ZNF169: variants seen among roughly 807,000 people sequenced by gnomAD.
ZNF169 encodes zinc finger protein 169.
A neutral mutation model predicts 12.0 loss-of-function variants in ZNF169; 11 were observed. The ratio of observed to expected loss-of-function variants is 0.92; its 90% CI spans 0.58 to 1.52. The LOEUF is 1.52. Ranked by LOEUF, ZNF169 falls within the 40% of genes most tolerant of loss-of-function variation. The probability of loss-of-function intolerance (pLI) is 0.00; values close to 1 mark genes in which losing one functional copy is unlikely to be tolerated. For synonymous variants in ZNF169, 302 were observed against 286.5 expected (o/e 1.05, Z -0.55); for missense variants, 722 against 744.0 (o/e 0.97, Z 0.34).
chr9:94,296,895 A>G (rs1388186260), intron 4 of ZNF169: 1 of 446,634 alleles, frequency 2.2e-6, no homozygotes, highest in Non-Finnish European at 4.5e-6. Flanking sequence ...AATACAAAAA[A>G]AACTAGCCGA....
At chr9:94,293,241 G>A (rs1038652154) in intron 4 of ZNF169, 172 bp downstream of exon 4, 2 of 645,046 alleles carry the variant, frequency 3.1e-6, no homozygotes, top group Non-Finnish European at 2.8e-6. Flanking sequence ...CCTCCCCCCA[G>A]GACAGGGCAC....
At position 94,300,323 on chromosome 9, in the gene ZNF169, A is replaced by G. The variant is rs1268084569; in HGVS notation, c.765A>G (p.Thr255=). 6.2e-7 allele frequency: 1 copy of G among 1,614,174 alleles called. No homozygotes were observed. The highest frequency in any genetic ancestry group is 1.3e-5 in the African/African-American group (1 of 75,050). The change falls in exon 5 of 5, where the codon ACA becomes ACG. Residue 255 remains threonine, a synonymous_variant. Transcript: ENST00000395395. The part of the protein sequence containing the change: ...QRSDLIKHQR[T]HTGEKPYLCP... ...CAGACCTTATCAAGCACCAGAGGAC[A>G]CACACCGGGGAGAAGCCATACCTGT...
chr9:94,289,616 C>T (rs1365155755), intron 2 of ZNF169, among the ~76,000 whole-genome samples: 1 of 152,068 alleles, frequency 6.6e-6, no homozygotes, highest in Non-Finnish European at 1.5e-5. Context: ...ATGACGAAAC[C>T]CCGTCTCTAC....
intron 1 of ZNF169, among the ~76,000 whole-genome samples, chr9:94,277,292 C>A (rs907343952): frequency 6.6e-6 from 1 of 152,112 alleles, no homozygotes; most frequent in African/African-American, 2.4e-5. Flanking sequence ...TAGCAGACTT[C>A]AGAGAGAGCA....
At chr9:94,282,562 T>A (rs374570983) in intron 2 of ZNF169, among the ~76,000 whole-genome samples, 1 of 152,334 alleles carries the variant, frequency 6.6e-6, no homozygotes, top group African/African-American at 2.4e-5. Context: ...TATGCATCTA[T>A]GTCAGTGAGC....
chr9:94,292,953 GT>G lies in ZNF169; in HGVS notation c.161-12del, dbSNP rs553380725. 9.7e-5 allele frequency: 151 copies of G among 1,557,318 alleles called. 1 individual carries two copies. The highest frequency in any genetic ancestry group is 1.7e-4 in the Middle Eastern group (1 of 5,938). On this transcript the variant is annotated intron_variant, in intron 3 of 4. Coordinates refer to ENST00000395395, the MANE Select transcript of ZNF169 (RefSeq NM_194320.4). ...AAGCCACTAACTCAAGATCACCTTG[GT>G]TTTTTTTTCCTGTGAGTAGGAATTG...
At chr9:94,260,538 G>T (rs910340382) in intron 1 of ZNF169, among the ~76,000 whole-genome samples, 3 of 152,132 alleles carry the variant, frequency 2.0e-5, no homozygotes, top group Non-Finnish European at 4.4e-5. Context: ...TGGGGCCTGG[G>T]GACCCAAGTT....
At chr9:94,286,695 T>C (rs1203067267) in intron 2 of ZNF169, among the ~76,000 whole-genome samples, 1 of 152,188 alleles carries the variant, frequency 6.6e-6, no homozygotes, top group African/African-American at 2.4e-5. Flanking sequence ...CAGTTTAGAT[T>C]CTGAGTGTTG....
chr9:94,300,540 C>A lies in ZNF169; in HGVS notation c.982C>A (p.Arg328Ser). The change falls in exon 5 of 5, where the codon CGC (arginine) becomes AGC (serine). Residue 328 changes from arginine (R) to serine (S), a missense_variant. By Grantham distance (110) the Arg-to-Ser change is moderately radical (BLOSUM62 -1). Coordinates refer to ENST00000395395, the MANE Select transcript of ZNF169 (RefSeq NM_194320.4). ...FVCQECGRGFRQKIALLLHQR... is the reference protein window; with the variant it reads ...FVCQECGRGFSQKIALLLHQR... ...ATGTCAGGAGTGTGGGCGAGGCTTT[C>A]GCCAGAAGATAGCCCTCCTTCTACA... 6.2e-7 allele frequency: 1 copy of A among 1,613,426 alleles called. No individual in the cohort carries two copies. The highest frequency in any genetic ancestry group is 1.3e-5 in the African/African-American group (1 of 74,814).
At chr9:94,261,087 A>C (rs1360738300) in intron 1 of ZNF169, among the ~76,000 whole-genome samples, 4 of 149,040 alleles carry the variant, frequency 2.7e-5, no homozygotes, top group Admixed American at 2.7e-4. Flanking sequence ...GCTGGAGTGC[A>C]GTGGGGTGGC....
At chr9:94,292,841 C>A in intron 3 of ZNF169, 133 bp from the exon 4 acceptor site, 1 of 712,990 alleles carries the variant, frequency 1.4e-6, no homozygotes, top group Non-Finnish European at 2.4e-6. Flanking sequence ...AGCATTCAGA[C>A]ATAGTTTACT....
chr9:94,290,230 C>T (rs796929569), intron 2 of ZNF169, among the ~76,000 whole-genome samples: 75 of 152,294 alleles, frequency 4.9e-4, no homozygotes, highest in African/African-American at 1.8e-3. Context: ...TTCTAAAAAT[C>T]TGCAGCTAAC....
intron 1 of ZNF169, among the ~76,000 whole-genome samples, chr9:94,260,962 G>A (rs2118530380): frequency 6.6e-6 from 1 of 151,336 alleles, no homozygotes; most frequent in East Asian, 1.9e-4. Flanking sequence ...TGGTACCACA[G>A]GCGCCCGCCA....
rs1358439970 is a variant in ZNF169 at position 94,292,390 on chromosome 9, G to A, written c.83G>A (p.Trp28Ter). ...GCTGTGGCCTTCACCCAGAAGGAGT[G>A]GAAGCTATTGAGTTCTGCTCAGAGG... ...DVAVAFTQKE[W>*]KLLSSAQRTL... The change falls in exon 3 of 5, where the codon TGG (tryptophan) becomes TAG (stop). Residue 28 changes from tryptophan (W) to a stop codon, truncating the protein, a stop_gained. Transcript: ENST00000395395. LOFTEE classifies it high-confidence loss of function. 1.9e-6 allele frequency: 3 copies of A among 1,614,158 alleles called. No homozygotes were observed. The highest frequency in any genetic ancestry group is 1.7e-5 in the Admixed American group (1 of 60,020).
chr9:94,296,923 T>TG (rs1830964524), intron 4 of ZNF169: 2 of 423,140 alleles, frequency 4.7e-6, no homozygotes, highest in Non-Finnish European at 4.7e-6. Context: ...GGTGCGCACC[T>TG]GTAATCACAG....
chr9:94,299,341 C>A, intron 4 of ZNF169: 1 of 415,212 alleles, frequency 2.4e-6, no homozygotes, highest in Non-Finnish European at 4.2e-6. Flanking sequence ...GTGCCCCTTA[C>A]TTGAGTCACC....
intron 4 of ZNF169, chr9:94,293,301 G>A: frequency 1.7e-6 from 1 of 593,986 alleles, no homozygotes; most frequent in Non-Finnish European, 3.0e-6. Context: ...CTCCTCACTT[G>A]GCTTCCTTTC....
rs183711063 is a variant in ZNF169 at position 94,279,960 on chromosome 9, G to A, written c.33+1115G>A. ...CTAGGCAGCATGTGAACTTGATGTAGCTGAATGGAATTAACACTTACTGAC... is the reference window on the plus strand; with the variant it reads ...CTAGGCAGCATGTGAACTTGATGTAACTGAATGGAATTAACACTTACTGAC... On this transcript the variant is annotated intron_variant, in intron 2 of 4. Transcript: ENST00000395395. 2.1e-3 allele frequency among the ~76,000 whole-genome samples: 326 copies of A among 152,334 alleles called. 2 individuals are homozygous for A. Among genetic ancestry groups the A allele is most frequent in the Middle Eastern group, 0.017 (5 of 294 alleles).
chr9:94,293,046 A>G lies in ZNF169; in HGVS notation c.233A>G (p.Glu78Gly), dbSNP rs1280577404. 6.2e-7 allele frequency: 1 copy of G among 1,613,436 alleles called. No individual in the cohort carries two copies. The highest frequency in any genetic ancestry group is 1.3e-5 in the African/African-American group (1 of 75,046). Residue 78 changes from glutamate to glycine, a missense_variant, in exon 4 of 5, where the codon GAA (glutamate) becomes GGA (glycine). Transcript: ENST00000395395. ...QGDEPWREEN[E>G]HLLDLCPEPR... ...GACGAACCTTGGAGAGAGGAGAACG[A>G]ACATCTTCTGGACCTTTGTCCAGGT...
Sources: allele counts gnomAD v4.1 joint callset (sites outside exome capture counted in the v4.1 genomes callset), GRCh38; gene constraint gnomAD v4.1.1; transcripts MANE v1.5; gene names NCBI Gene and HGNC (gene_info 2026-07-23, HGNC 2026-07-21).